LEKR1: variants seen among roughly 807,000 people sequenced by gnomAD.
The protein encoded by LEKR1 is protein LEKR1.
In LEKR1, 59 loss-of-function variants were observed where a neutral mutation model predicts 72.4. The ratio of observed to expected loss-of-function variants is 0.82; its 90% CI spans 0.66 to 1.01. The LOEUF (loss-of-function observed/expected upper bound fraction) is 1.01, where lower values mean the gene tolerates loss of function less well. Ranked by LOEUF, LEKR1 falls within the 50% of genes least tolerant of loss-of-function variation. LEKR1 has a pLI of 0.00. For synonymous variants in LEKR1, 257 were observed against 263.2 expected (o/e 0.98, Z 0.23); for missense variants, 728 against 759.2 (o/e 0.96, Z 0.48).
At chr3:156,851,530 G>T (rs1715362568) in intron 2 of LEKR1, among the ~76,000 whole-genome samples, 1 of 152,044 alleles carries the variant, frequency 6.6e-6, no homozygotes, top group South Asian at 2.1e-4. Context: ...TTATCTTTAT[G>T]ATTACTTTTA....
At chr3:156,911,650 T>A (rs973230947) in intron 3 of LEKR1, among the ~76,000 whole-genome samples, 1 of 152,158 alleles carries the variant, frequency 6.6e-6, no homozygotes, top group South Asian at 2.1e-4. Context: ...TACATTTAAA[T>A]CTTTAATCCA....
At chr3:157,017,992 T>TTAC (rs1161934152) in intron 10 of LEKR1, among the ~76,000 whole-genome samples, 1 of 148,426 alleles carries the variant, frequency 6.7e-6, no homozygotes, top group African/African-American at 2.6e-5. Context: ...AGTAGCTATA[T>TTAC]TACTATCAAC....
intron 4 of LEKR1, among the ~76,000 whole-genome samples, chr3:156,922,343 C>T (rs1358361754): frequency 1.3e-5 from 2 of 150,528 alleles, no homozygotes; most frequent in Non-Finnish European, 3.0e-5. Context: ...CTTAGTTGCT[C>T]TTAATAAAGA....
Position 156,899,253 on chromosome 3 carries a change from CATAT to C in LEKR1, c.264-21312_264-21309del, listed in dbSNP as rs71141734. Among the ~76,000 whole-genome samples the C allele has an allele frequency of 5.2e-5, 7 of 133,400 alleles. 1 individual carries two copies. The highest frequency in any genetic ancestry group is 3.7e-3 in the Middle Eastern group (1 of 270). 87.5% of individuals were successfully genotyped at this position (133,400 alleles called of 152,430 possible). On this transcript the variant is annotated intron_variant, in intron 3 of 12. Coordinates refer to ENST00000356539, the MANE Select transcript of LEKR1 (RefSeq NM_001004316.3). ...AGCTCTGTCTATATACATATATATACATATATATATATACACACATGTATATATA... is the reference window on the plus strand; with the variant it reads ...AGCTCTGTCTATATACATATATATACATATATATACACACATGTATATATA...
chr3:156,928,455 A>G (rs1724926562), intron 5 of LEKR1, among the ~76,000 whole-genome samples: 2 of 152,066 alleles, frequency 1.3e-5, no homozygotes, highest in Non-Finnish European at 2.9e-5. Context: ...TGTTCTAAAA[A>G]ATAGTCCATT....
intron 2 of LEKR1, among the ~76,000 whole-genome samples, chr3:156,835,276 T>C (rs1469565364): frequency 6.6e-6 from 1 of 152,228 alleles, no homozygotes; most frequent in Non-Finnish European, 1.5e-5. Flanking sequence ...GTTTCTAATA[T>C]ACACAGGCAG....
chr3:157,042,837 G>C (rs1735452340), intron 12 of LEKR1, among the ~76,000 whole-genome samples: 1 of 151,632 alleles, frequency 6.6e-6, no homozygotes, highest in East Asian at 1.9e-4. Context: ...CTTTCTCATT[G>C]CTTTCTTAAT....
chr3:156,990,171 T>TA (rs1731039220), intron 7 of LEKR1, among the ~76,000 whole-genome samples: 1 of 152,166 alleles, frequency 6.6e-6, no homozygotes, highest in Non-Finnish European at 1.5e-5. Flanking sequence ...TTTTTAAAAA[T>TA]AAAAAATTCT....
At chr3:157,039,062 C>T (rs1326904750) in intron 12 of LEKR1, among the ~76,000 whole-genome samples, 2 of 152,058 alleles carry the variant, frequency 1.3e-5, no homozygotes, top group East Asian at 1.9e-4. Flanking sequence ...CCTAGCATCT[C>T]GAATCTCTTT....
chr3:157,038,428 A>AT (rs1735114899), intron 12 of LEKR1, among the ~76,000 whole-genome samples: 1 of 152,224 alleles, frequency 6.6e-6, no homozygotes, highest in African/African-American at 2.4e-5. Context: ...ACTAGGCAAT[A>AT]TGTCCATAGG....
Position 157,045,614 on chromosome 3 carries a change from C to T in LEKR1, c.1943C>T (p.Ser648Leu), listed in dbSNP as rs577911725. The change falls in exon 13 of 13, where the codon TCA becomes TTA. Residue 648 changes from serine (S) to leucine (L), a missense_variant. Physicochemically the swap from Ser to Leu is moderately radical, Grantham distance 145. Transcript: ENST00000356539. ...GVSKPTTFPTSDKPKRVRSGV... is the reference protein window; with the variant it reads ...GVSKPTTFPTLDKPKRVRSGV... ...TCAAAACCCACCACTTTCCCAACCT[C>T]AGATAAGCCGAAGAGGGTTAGATCA... 6.2e-7 allele frequency: 1 copy of T among 1,614,194 alleles called. No homozygotes were observed. The highest frequency in any genetic ancestry group is 1.7e-5 in the Admixed American group (1 of 60,012).
intron 2 of LEKR1, among the ~76,000 whole-genome samples, chr3:156,831,321 T>G (rs1171248772): frequency 6.6e-6 from 1 of 152,216 alleles, no homozygotes; most frequent in Non-Finnish European, 1.5e-5. Flanking sequence ...TCCATTGGAA[T>G]AATGGCTCCT....
At chr3:156,876,108 T>C (rs1718542620) in intron 3 of LEKR1, among the ~76,000 whole-genome samples, 2 of 152,150 alleles carry the variant, frequency 1.3e-5, no homozygotes, top group South Asian at 4.1e-4. Flanking sequence ...CTACTTTGGT[T>C]TTGTTTTTTA....
intron 7 of LEKR1, among the ~76,000 whole-genome samples, chr3:156,991,397 A>G (rs965210839): frequency 6.6e-6 from 1 of 152,050 alleles, no homozygotes; most frequent in South Asian, 2.1e-4. Flanking sequence ...AAATAAATGA[A>G]TATTGTGTAT....
chr3:156,854,022 G>T (rs774454738), intron 3 of LEKR1, among the ~76,000 whole-genome samples: 2 of 151,586 alleles, frequency 1.3e-5, no homozygotes, highest in Non-Finnish European at 2.9e-5. Flanking sequence ...AGGCAAGAAA[G>T]TCTTTGTACC....
At chr3:157,036,727 A>G (rs765311818) in intron 12 of LEKR1, among the ~76,000 whole-genome samples, 1 of 152,218 alleles carries the variant, frequency 6.6e-6, no homozygotes, top group Non-Finnish European at 1.5e-5. Context: ...AGATTGAAAG[A>G]ATAACCAGAC....
At chr3:156,875,314 G>A (rs548233980) in intron 3 of LEKR1, among the ~76,000 whole-genome samples, 1 of 152,140 alleles carries the variant, frequency 6.6e-6, no homozygotes, top group African/African-American at 2.4e-5. Context: ...TTGGCTATTT[G>A]TATATCTTAT....
intron 3 of LEKR1, among the ~76,000 whole-genome samples, chr3:156,870,944 C>T (rs1167072671): frequency 6.6e-6 from 1 of 151,388 alleles, no homozygotes; most frequent in African/African-American, 2.4e-5. Context: ...GTTTTATGTC[C>T]TTCATTCTTT....
At chr3:157,030,559 C>T (rs1353015636) in intron 12 of LEKR1, among the ~76,000 whole-genome samples, 1 of 152,212 alleles carries the variant, frequency 6.6e-6, no homozygotes, top group Non-Finnish European at 1.5e-5. Context: ...CGAACATTTG[C>T]ATGAAGAGCC....
Sources: allele counts gnomAD v4.1 joint callset (sites outside exome capture counted in the v4.1 genomes callset), GRCh38; gene constraint gnomAD v4.1.1; transcripts MANE v1.5; gene names NCBI Gene and HGNC (gene_info 2026-07-23, HGNC 2026-07-21).